The following ZNF326 variants were observed in gnomAD, a reference collection of about 807,000 sequenced individuals.
ZNF326 encodes DBIRD complex subunit ZNF326.
Under a neutral mutation model 63.1 loss-of-function variants are expected in ZNF326, and 30 were observed. The ratio of observed to expected loss-of-function variants is 0.48; its 90% CI spans 0.36 to 0.64. The LOEUF (loss-of-function observed/expected upper bound fraction) is 0.64, where lower values mean the gene tolerates loss of function less well. Ranked by LOEUF, ZNF326 falls within the 30% of genes least tolerant of loss-of-function variation. ZNF326 has a pLI of 0.00. For synonymous variants in ZNF326, 194 were observed against 228.2 expected (o/e 0.85, Z 1.35); for missense variants, 609 against 720.3 (o/e 0.85, Z 1.77).
intron 7 of ZNF326, 88 bp downstream of exon 7, chr1:90,013,325 T>G (rs1649344593): frequency 8.7e-6 from 9 of 1,029,626 alleles, no homozygotes; most frequent in Non-Finnish European, 6.7e-6. Context: ...TAAAAAGTTC[T>G]TAAGATTCAA....
rs533531132 is a variant in ZNF326 at position 90,014,472 on chromosome 1, T to A, written c.926+1235T>A. Among the ~76,000 whole-genome samples the A allele has an allele frequency of 7.2e-5, 11 of 152,270 alleles. No homozygotes were observed. The East Asian group carries it at 2.1e-3, about 29-fold the overall frequency. ...AAACTTAACAGTAATTTCATTAAAC[T>A]AAAAATTTAAATAATAGTATGCCAT... On this transcript the variant is annotated intron_variant, in intron 7 of 11. Coordinates refer to ENST00000340281, the MANE Select transcript of ZNF326 (RefSeq NM_182976.4).
chr1:90,004,716 A>T (rs1265960293), intron 2 of ZNF326, among the ~76,000 whole-genome samples: 1 of 150,986 alleles, frequency 6.6e-6, no homozygotes, highest in Non-Finnish European at 1.5e-5. Flanking sequence ...CCAGTCTCAT[A>T]ACCCAGTCTC....
rs1375527056 is a variant in ZNF326, at chr1:90,028,435, G to A, written c.*734G>A. On this transcript the variant is annotated 3_prime_UTR_variant, in exon 12 of 12. Transcript: ENST00000340281. ...TAAAACACATTTCAAATAGAAGTGA[G>A]TTTGAACTGACCTTATTTATACTCT... 1 of 152,090 alleles carries A rather than the reference G, an allele frequency of 6.6e-6. No homozygotes were observed. The highest frequency in any genetic ancestry group is 2.1e-4 in the South Asian group (1 of 4,822). The allele number at this position is 152,090 out of a possible 1,614,324, so 9.4% of individuals were successfully genotyped here.
rs1178809651 is a variant in ZNF326, at chr1:90,035,361, A to G, written c.*7660A>G. On this transcript the variant is annotated 3_prime_UTR_variant, in exon 12 of 12. Transcript: ENST00000340281. Reference sequence around the variant, plus strand: ...CACCATGAAAATCTGTACTATATAGAAAATCTGTATATAGAATATAGCATT... The same window carrying G: ...CACCATGAAAATCTGTACTATATAGGAAATCTGTATATAGAATATAGCATT... The G allele has an allele frequency of 6.6e-6, 1 of 152,224 alleles. No individual in the cohort carries two copies. Among genetic ancestry groups the G allele is most frequent in the Non-Finnish European group, 1.5e-5 (1 of 68,024 alleles). The allele number at this position is 152,224 out of a possible 1,614,324, so 9.4% of individuals were successfully genotyped here. A position where few individuals can be genotyped will look rare whatever the true frequency, so the allele number is the denominator to read the frequency against.
Position 90,034,031 on chromosome 1 carries a change from T to A in ZNF326, c.*6330T>A, listed in dbSNP as rs1650389593. On this transcript the variant is annotated 3_prime_UTR_variant, in exon 12 of 12. Transcript: ENST00000340281. ...CAATGAAAAAGTCATGCAGGATGAA[T>A]ACTGACAAAATATGTGTAATCCCAA... is the stretch of plus-strand genomic sequence containing the variant. 2.0e-5 allele frequency: 3 copies of A among 151,974 alleles called. No individual in the cohort carries two copies. Among genetic ancestry groups the A allele is most frequent in the Non-Finnish European group, 4.4e-5 (3 of 67,966 alleles). The allele number at this position is 151,974 out of a possible 1,614,324, so 9.4% of individuals were successfully genotyped here. A position where few individuals can be genotyped will look rare whatever the true frequency, so the allele number is the denominator to read the frequency against.
intron 6 of ZNF326, 33 bp downstream of exon 6, chr1:90,010,319 G>A (rs780651396): frequency 6.3e-7 from 1 of 1,586,710 alleles, no homozygotes; most frequent in Admixed American, 1.8e-5. Context: ...TATGATTCAG[G>A]ATACTTTTTA....
intron 11 of ZNF326, 28 bp from the exon 12 acceptor site, chr1:90,027,326 T>G: frequency 6.2e-7 from 1 of 1,604,278 alleles, no homozygotes; most frequent in Non-Finnish European, 8.5e-7. Flanking sequence ...AATGTGCTGA[T>G]TTTGAAAGCC....
At chr1:90,005,562 A>T in intron 4 of ZNF326, 4 of 928,212 alleles carry the variant, frequency 4.3e-6, no homozygotes, top group Non-Finnish European at 5.2e-6. Context: ...AAAATGATAT[A>T]AAAATGTTAT....
chr1:90,009,815 A>G (rs534724174), intron 5 of ZNF326, among the ~76,000 whole-genome samples: 16 of 152,208 alleles, frequency 1.1e-4, no homozygotes, highest in African/African-American at 3.8e-4. Context: ...CTATAATCTC[A>G]AGTAATTTTG....
In ZNF326 at chr1:90,027,987, G is replaced by A; in HGVS notation, c.*286G>A. ...TATTGGTGTTAAGGATAACAAATGT[G>A]TATTGTTAGTATATCTATTCTAATC... is the stretch of plus-strand genomic sequence containing the variant. On this transcript the variant is annotated 3_prime_UTR_variant, in exon 12 of 12. Transcript: ENST00000340281. The A allele has an allele frequency of 2.8e-6, 1 of 356,304 alleles. No individual in the cohort carries two copies. The highest frequency in any genetic ancestry group is 5.1e-6 in the Non-Finnish European group (1 of 196,922). 22.1% of individuals were successfully genotyped at this position (356,304 alleles called of 1,614,324 possible).
In ZNF326 at chr1:90,007,493, G is replaced by C; in HGVS notation, c.358G>C (p.Asp120His). Reference protein sequence around the residue: ...RFESSYRNSLDSFGGRNQGGS... With the variant: ...RFESSYRNSLHSFGGRNQGGS... ...TGAGAGCTCCTACCGGAATAGCCTT[G>C]ACTCTTTCGGAGGTAGAAACCAGGG... Residue 120 changes from aspartate (D) to histidine (H), a missense_variant, in exon 5 of 12, where the codon GAC (aspartate) becomes CAC (histidine). Physicochemically the swap from Asp to His is moderately conservative, Grantham distance 81 (BLOSUM62 -1). Around this residue, in one of 3 missense-constraint regions of ZNF326, gnomAD observed 113 missense variants for 187.4 expected, o/e 0.60. Transcript: ENST00000340281. The surrounding 1 kb of genome is among the most constrained non-coding windows in gnomAD (Gnocchi z 4.9). 1 of 1,614,130 alleles carries C rather than the reference G, an allele frequency of 6.2e-7. No individual in the cohort carries two copies. The highest frequency in any genetic ancestry group is 8.5e-7 in the Non-Finnish European group (1 of 1,180,024).
Position 90,010,116 on chromosome 1 carries a change from G to A in ZNF326, c.644G>A (p.Arg215Lys). The A allele has an allele frequency of 1.2e-6, 2 of 1,613,704 alleles. No homozygotes were observed. Among genetic ancestry groups the A allele is most frequent in the Non-Finnish European group, 1.7e-6 (2 of 1,179,766 alleles). ...ATGGGTGATTTTGGAAGCATTCATA[G>A]ACCCGGAATTGTTGTTGACTATCAA... Reference protein sequence around the residue: ...GHMGDFGSIHRPGIVVDYQNK... With the variant: ...GHMGDFGSIHKPGIVVDYQNK... The change falls in exon 6 of 12, where the codon AGA (arginine) becomes AAA (lysine). Residue 215 changes from arginine (R) to lysine (K), a missense_variant. Coordinates refer to ENST00000340281, the MANE Select transcript of ZNF326 (RefSeq NM_182976.4).
intron 2 of ZNF326, among the ~76,000 whole-genome samples, chr1:89,999,081 A>C (rs954005330): frequency 6.6e-6 from 1 of 152,212 alleles, no homozygotes; most frequent in African/African-American, 2.4e-5. Flanking sequence ...GAAAATTACC[A>C]AAGGAAGTTT....
chr1:90,018,280 A>C (rs181863789), intron 8 of ZNF326, among the ~76,000 whole-genome samples: 502 of 150,746 alleles, frequency 3.3e-3, no homozygotes, highest in Non-Finnish European at 6.1e-3. Context: ...TGACAGAGCG[A>C]GACTCCATCT....
intron 9 of ZNF326, among the ~76,000 whole-genome samples, chr1:90,019,902 C>T (rs1649684095): frequency 6.6e-6 from 1 of 152,062 alleles, no homozygotes; most frequent in South Asian, 2.1e-4. Flanking sequence ...TGAGAAGGGC[C>T]TGCACCATCT....
chr1:90,003,543 A>G (rs943475703), intron 2 of ZNF326, among the ~76,000 whole-genome samples: 1 of 152,216 alleles, frequency 6.6e-6, no homozygotes, highest in African/African-American at 2.4e-5. Flanking sequence ...TGAGAGTTAC[A>G]GGCTTTTGTA....
At position 90,032,116 on chromosome 1, in the gene ZNF326, T is replaced by A. The variant is rs1650303534; in HGVS notation, c.*4415T>A. On this transcript the variant is annotated 3_prime_UTR_variant, in exon 12 of 12. Coordinates refer to ENST00000340281, the MANE Select transcript of ZNF326 (RefSeq NM_182976.4). ...GTAGGTCCTGCCACCATTTGAGGCC[T>A]CCTCGGAGACAGCCATACTAGTCTA... is the stretch of plus-strand genomic sequence containing the variant. The A allele has an allele frequency of 6.6e-6, 1 of 152,238 alleles. No individual in the cohort carries two copies. Among genetic ancestry groups the A allele is most frequent in the Non-Finnish European group, 1.5e-5 (1 of 68,048 alleles). 9.4% of individuals were successfully genotyped at this position (152,238 alleles called of 1,614,324 possible).
At chr1:90,011,953 C>T (rs1649268405) in intron 6 of ZNF326, among the ~76,000 whole-genome samples, 1 of 152,160 alleles carries the variant, frequency 6.6e-6, no homozygotes, top group Non-Finnish European at 1.5e-5. Context: ...TCTCGTTCCT[C>T]AGCCTCCTGA....
Position 90,018,774 on chromosome 1 carries a change from T to C in ZNF326, c.1164T>C (p.Asp388=). 3 of 1,529,696 alleles carry C rather than the reference T, an allele frequency of 2.0e-6. No individual in the cohort carries two copies. The highest frequency in any genetic ancestry group is 2.7e-6 in the Non-Finnish European group (3 of 1,123,570). 94.8% of individuals were successfully genotyped at this position (1,529,696 alleles called of 1,614,324 possible). The change falls in exon 9 of 12, where the codon GAT becomes GAC. Residue 388 remains aspartate (D), a synonymous_variant. Transcript: ENST00000340281. ...QTEVVKIIEK[D]VMEGVTVDDH... ...AAGTAGTTAAAATAATTGAAAAAGA[T>C]GTTATGGAAGGTAAGTATTTAAAAC... is the stretch of plus-strand genomic sequence containing the variant.
Sources: gnomAD v4.1 joint callset for allele counts (sites outside exome capture counted in the v4.1 genomes callset) on GRCh38, gnomAD v4.1.1 for gene constraint, gnomAD v4.1.1 regional missense constraint, Gnocchi (gnomAD v3.1) non-coding constraint, MANE v1.5 for transcripts, NCBI Gene and HGNC (gene_info 2026-07-23, HGNC 2026-07-21) for gene names.